ZNF827: variants seen among roughly 807,000 people sequenced by gnomAD.
ZNF827 encodes zinc finger protein 827.
ZNF827 carries 13 observed loss-of-function variants against 102.4 expected under a neutral mutation model. The ratio of observed to expected loss-of-function variants is 0.13; its 90% CI spans 0.08 to 0.20. ZNF827 has a LOEUF of 0.20. Ranked by LOEUF, ZNF827 falls within the 10% of genes least tolerant of loss-of-function variation. The probability of loss-of-function intolerance (pLI) is 1.00; values close to 1 mark genes in which losing one functional copy is unlikely to be tolerated. For missense variants in ZNF827, 1,103 were observed against 1,344.4 expected (o/e 0.82, Z 2.81); for synonymous variants, 523 against 536.2 (o/e 0.98, Z 0.34).
intron 2 of ZNF827, among the ~76,000 whole-genome samples, chr4:145,893,488 TGTCCAA>T (rs1750761063): frequency 6.6e-6 from 1 of 151,968 alleles, no homozygotes; most frequent in Non-Finnish European, 1.5e-5. Context: ...TATAAAAACA[TGTCCAA>T]GATATTAGCA....
intron 8 of ZNF827, among the ~76,000 whole-genome samples, chr4:145,795,137 T>G (rs558922715): frequency 4.6e-5 from 7 of 152,226 alleles, no homozygotes; most frequent in African/African-American, 1.7e-4. Flanking sequence ...TGTTATGTGT[T>G]TTTTTGTTTT....
At chr4:145,884,721 A>G (rs1749959413) in intron 4 of ZNF827, among the ~76,000 whole-genome samples, 1 of 152,206 alleles carries the variant, frequency 6.6e-6, no homozygotes, top group Non-Finnish European at 1.5e-5. Flanking sequence ...ATATGTTGGG[A>G]AAAAATGATA....
At chr4:145,928,267 G>T (rs1753574093) in intron 1 of ZNF827, among the ~76,000 whole-genome samples, 1 of 152,100 alleles carries the variant, frequency 6.6e-6, no homozygotes, top group Non-Finnish European at 1.5e-5. Context: ...ATCACCCAGG[G>T]AGCTTTTAAA....
At chr4:145,846,282 T>C (rs1745928335) in intron 6 of ZNF827, among the ~76,000 whole-genome samples, 1 of 151,076 alleles carries the variant, frequency 6.6e-6, no homozygotes, top group South Asian at 2.1e-4. Context: ...ATCGACACTA[T>C]CCTGGCTAAC....
Position 145,902,666 on chromosome 4 carries a change from G to C in ZNF827, c.593C>G (p.Pro198Arg), listed in dbSNP as rs202025645. The C allele has an allele frequency of 1.1e-4, 175 of 1,613,844 alleles. No individual in the cohort carries two copies. Among genetic ancestry groups the C allele is most frequent in the Non-Finnish European group, 1.4e-4 (170 of 1,180,052 alleles). Reference sequence around the variant, plus strand: ...CAAGCTGCAGGTGGTGGTTGAGTTTGGCAACCACTTACCTTGATTCCATAT... The same window carrying C: ...CAAGCTGCAGGTGGTGGTTGAGTTTCGCAACCACTTACCTTGATTCCATAT... Reference protein sequence around the residue: ...RFIWNQGKWLPNSTTTCSLSP... With the variant: ...RFIWNQGKWLRNSTTTCSLSP... Residue 198 changes from proline to arginine, a missense_variant, in exon 2 of 15, where the codon CCA becomes CGA. Physicochemically the swap from Pro to Arg is moderately radical, Grantham distance 103 (BLOSUM62 -2). Coordinates refer to ENST00000508784, the MANE Select transcript of ZNF827 (RefSeq NM_001306215.2). The surrounding 1 kb of genome is among the most constrained non-coding windows in gnomAD (Gnocchi z 4.3).
chr4:145,938,431 C>T lies in ZNF827; in HGVS notation c.-24G>A, dbSNP rs1561099458. The T allele has an allele frequency of 6.4e-7, 1 of 1,566,430 alleles. No individual in the cohort carries two copies. The highest frequency in any genetic ancestry group is 1.4e-5 in the African/African-American group (1 of 72,084). On this transcript the variant is annotated 5_prime_UTR_variant, in exon 1 of 15. Transcript: ENST00000508784. ...ATTTTCCCCCTTTTCTCACATTCTC[C>T]TCCTTGGTTAATGTGAGATCAAATA...
Position 145,840,432 on chromosome 4 carries a change from A to T in ZNF827, c.2279+5524T>A, listed in dbSNP as rs180801902. ...CAATGGCACCATGAGGCCCCAAAAC[A>T]GCCTTGACTTCACCAAAAAGAAATG... On this transcript the variant is annotated intron_variant, in intron 7 of 14. Coordinates refer to ENST00000508784, the MANE Select transcript of ZNF827 (RefSeq NM_001306215.2). 8.7e-4 allele frequency among the ~76,000 whole-genome samples: 133 copies of T among 152,356 alleles called. 2 individuals are homozygous for T. Among genetic ancestry groups the T allele is most frequent in the Non-Finnish European group, 1.5e-5 (1 of 68,028 alleles).
intron 4 of ZNF827, among the ~76,000 whole-genome samples, chr4:145,877,678 C>T (rs568093929): frequency 6.6e-6 from 1 of 152,242 alleles, no homozygotes; most frequent in South Asian, 2.1e-4. Flanking sequence ...ACAGCCTCTG[C>T]AGAAGGGTCA....
At chr4:145,814,868 G>C (rs573769811) in intron 8 of ZNF827, among the ~76,000 whole-genome samples, 1 of 152,106 alleles carries the variant, frequency 6.6e-6, no homozygotes, top group African/African-American at 2.4e-5. Context: ...TTGAACCTGG[G>C]AGGTGGAGGA....
At chr4:145,838,292 G>A (rs1745075274) in intron 7 of ZNF827, among the ~76,000 whole-genome samples, 1 of 151,968 alleles carries the variant, frequency 6.6e-6, no homozygotes, top group Non-Finnish European at 1.5e-5. Context: ...CCCCCACTGA[G>A]CACCTTGCGA....
chr4:145,880,405 T>A (rs1005886638), intron 4 of ZNF827, among the ~76,000 whole-genome samples: 1 of 152,198 alleles, frequency 6.6e-6, no homozygotes, highest in African/African-American at 2.4e-5. Context: ...GTAAAAATAA[T>A]AAGCAATGAG....
chr4:145,849,612 C>T (rs757220181), intron 5 of ZNF827, 51 bp from the exon 6 acceptor site: 2 of 1,604,522 alleles, frequency 1.2e-6, no homozygotes, highest in Admixed American at 1.7e-5. Flanking sequence ...TTCTTAATTC[C>T]AAGCTAGACC....
At chr4:145,920,889 C>T (rs1179530816) in intron 1 of ZNF827, among the ~76,000 whole-genome samples, 2 of 152,172 alleles carry the variant, frequency 1.3e-5, no homozygotes, top group Non-Finnish European at 2.9e-5. Context: ...CTACTATAAT[C>T]AGTTACTGTT....
At chr4:145,937,007 G>T (rs1005186791) in intron 1 of ZNF827, among the ~76,000 whole-genome samples, 2 of 145,914 alleles carry the variant, frequency 1.4e-5, no homozygotes, top group Non-Finnish European at 3.0e-5. Context: ...CCCGCCCCAC[G>T]CCTTCTCCCC....
At chr4:145,870,689 T>C in intron 4 of ZNF827, 1 of 499,218 alleles carries the variant, frequency 2.0e-6, no homozygotes, top group East Asian at 3.1e-5. Context: ...TCTGAATCTT[T>C]TGAACCTAAA....
At chr4:145,804,849 G>C (rs559267167) in intron 8 of ZNF827, among the ~76,000 whole-genome samples, 43 of 152,264 alleles carry the variant, frequency 2.8e-4, no homozygotes, top group Non-Finnish European at 4.4e-4. Context: ...TTGATTGTCA[G>C]TATTATATTT....
chr4:145,791,501 A>C (rs1030089105), intron 8 of ZNF827, among the ~76,000 whole-genome samples: 5 of 152,328 alleles, frequency 3.3e-5, no homozygotes, highest in African/African-American at 1.2e-4. Context: ...CTGTGAACGT[A>C]TGTCATAATG....
intron 5 of ZNF827, among the ~76,000 whole-genome samples, chr4:145,860,385 C>CAA (rs1747580929): frequency 6.6e-6 from 1 of 151,976 alleles, no homozygotes; most frequent in Non-Finnish European, 1.5e-5. Context: ...TTTCTGGTAG[C>CAA]AAAAATAGGG....
chr4:145,863,672 T>A (rs952344963), intron 5 of ZNF827, among the ~76,000 whole-genome samples: 4 of 149,472 alleles, frequency 2.7e-5, no homozygotes, highest in Non-Finnish European at 5.9e-5. Context: ...ATATGAAACG[T>A]CCAGAATGGA....
Sources: allele counts gnomAD v4.1 joint callset (sites outside exome capture counted in the v4.1 genomes callset), GRCh38; gene constraint gnomAD v4.1.1; non-coding constraint Gnocchi (gnomAD v3.1); transcripts MANE v1.5; gene names NCBI Gene and HGNC (gene_info 2026-07-23, HGNC 2026-07-21).